HRH1: variants seen among roughly 807,000 people sequenced by gnomAD.
HRH1 encodes histamine receptor H1, also known as histamine H1 receptor.
HRH1 carries 6 observed loss-of-function variants against 10.3 expected under a neutral mutation model. The ratio of observed to expected loss-of-function variants is 0.58; its 90% CI spans 0.32 to 1.15. HRH1 has a LOEUF of 1.15. Among genes scored for constraint, HRH1 ranks in the 50% most tolerant of loss-of-function variants. The pLI, the probability that HRH1 is intolerant of heterozygous loss-of-function variation, is 0.05. For missense variants in HRH1, 514 were observed against 615.3 expected, an observed-to-expected ratio of 0.84 and a Z score of 1.74; for synonymous variants, 242 against 236.7, an observed-to-expected ratio of 1.02 and a Z score of -0.21.
chr3:11,255,678 T>C (rs1169468911), intron 1 of HRH1, among the ~76,000 whole-genome samples: 1 of 152,102 alleles, frequency 6.6e-6, no homozygotes, highest in Non-Finnish European at 1.5e-5. Context: ...ATTCCTTAGG[T>C]CTGGGAAAGG....
intron 1 of HRH1, among the ~76,000 whole-genome samples, chr3:11,237,063 C>T (rs555880655): frequency 5.3e-4 from 81 of 152,258 alleles, no homozygotes; most frequent in African/African-American, 1.9e-3. Flanking sequence ...TCCAAGGATT[C>T]GGAACAAAAT....
chr3:11,228,478 T>C (rs347610), intron 1 of HRH1, among the ~76,000 whole-genome samples: 47,277 of 152,036 alleles, frequency 0.31, 8,288 homozygotes, highest in Non-Finnish European at 0.4. Context: ...GCATCAGTAT[T>C]TTTTTTAAAG....
intron 1 of HRH1, among the ~76,000 whole-genome samples, chr3:11,236,887 T>C (rs759979803): frequency 6.6e-6 from 1 of 152,228 alleles, no homozygotes; most frequent in Non-Finnish European, 1.5e-5. Context: ...TTACAGGAAC[T>C]GGTAATCACC....
intron 1 of HRH1, among the ~76,000 whole-genome samples, chr3:11,232,721 G>C (rs940728759): frequency 2.0e-5 from 3 of 152,100 alleles, no homozygotes; most frequent in African/African-American, 7.2e-5. Context: ...GTTAATTTGG[G>C]AAGAATTGAC....
chr3:11,230,905 T>C lies in HRH1; in HGVS notation c.-35-28098T>C, dbSNP rs368328994. Among the ~76,000 whole-genome samples the C allele has an allele frequency of 1.6e-4, 24 of 152,318 alleles. No homozygotes were observed. In the South Asian group the frequency reaches 4.8e-3, roughly 30 times the overall value. ...CCAGTGGTAGCATATTACAAAACTG[T>C]AGTAAAATATCACAACCAACATATG... On this transcript the variant is annotated intron_variant, in intron 1 of 1. Transcript: ENST00000431010.
intron 1 of HRH1, among the ~76,000 whole-genome samples, chr3:11,191,584 C>G (rs541351320): frequency 1.3e-5 from 2 of 152,336 alleles, no homozygotes; most frequent in African/African-American, 4.8e-5. Flanking sequence ...ATGCACCCCC[C>G]ACCTGACTGG....
At position 11,260,076 on chromosome 3, in the gene HRH1, T is replaced by A; in HGVS notation, c.1039T>A (p.Ser347Thr). ...GLNTHGASEISEDQMLGDSQS... is the reference protein window; with the variant it reads ...GLNTHGASEITEDQMLGDSQS... ...GAACACACATGGGGCCAGCGAGATA[T>A]CAGAGGATCAGATGTTAGGTGATAG... is the stretch of plus-strand genomic sequence containing the variant. Residue 347 changes from serine (S) to threonine (T), a missense_variant, in exon 2 of 2, where the codon TCA becomes ACA. Transcript: ENST00000431010. The A allele has an allele frequency of 6.2e-7, 1 of 1,613,992 alleles. No homozygotes were observed. Among genetic ancestry groups the A allele is most frequent in the Non-Finnish European group, 8.5e-7 (1 of 1,180,002 alleles).
intron 1 of HRH1, among the ~76,000 whole-genome samples, chr3:11,221,878 A>G (rs1221923994): frequency 6.6e-6 from 1 of 152,202 alleles, no homozygotes; most frequent in Admixed American, 6.6e-5. Flanking sequence ...TATTTTACTT[A>G]GCAGAATGTC....
intron 1 of HRH1, among the ~76,000 whole-genome samples, chr3:11,174,197 C>G (rs1937206532): frequency 6.6e-6 from 1 of 152,378 alleles, no homozygotes; most frequent in South Asian, 2.1e-4. Flanking sequence ...TAGTGACTGT[C>G]TCCCCAGCTA....
chr3:11,251,629 G>T (rs1939655730), intron 1 of HRH1, among the ~76,000 whole-genome samples: 1 of 152,060 alleles, frequency 6.6e-6, no homozygotes, highest in Admixed American at 6.5e-5. Flanking sequence ...AGTTCTTCTG[G>T]TCTGGGGCAT....
intron 1 of HRH1, among the ~76,000 whole-genome samples, chr3:11,156,899 A>G (rs1024931505): frequency 1.3e-5 from 2 of 152,168 alleles, no homozygotes; most frequent in Admixed American, 6.6e-5. Flanking sequence ...GGTTAGATGT[A>G]ATGTGTGCCC....
At chr3:11,226,885 TA>T (rs11312109) in intron 1 of HRH1, among the ~76,000 whole-genome samples, 89,557 of 133,290 alleles carry the variant, frequency 0.67, 29,469 homozygotes, top group African/African-American at 0.72. Flanking sequence ...AGACTCAGTC[TA>T]AAAAAAAAAA....
intron 1 of HRH1, among the ~76,000 whole-genome samples, chr3:11,180,951 A>ACG (rs1407143418): frequency 1.5e-5 from 1 of 66,864 alleles, no homozygotes; most frequent in African/African-American, 8.3e-5. Flanking sequence ...TCAGGCATAC[A>ACG]CACACACACA....
chr3:11,249,366 G>A (rs929796947), intron 1 of HRH1, among the ~76,000 whole-genome samples: 1 of 140,444 alleles, frequency 7.1e-6, no homozygotes, highest in Admixed American at 7.6e-5. Flanking sequence ...TCGCGCCACT[G>A]CACTCCAGCC....
At chr3:11,228,060 A>G (rs1938941822) in intron 1 of HRH1, among the ~76,000 whole-genome samples, 1 of 152,218 alleles carries the variant, frequency 6.6e-6, no homozygotes, top group South Asian at 2.1e-4. Flanking sequence ...AATTAGCATA[A>G]CATGAAACTC....
chr3:11,193,571 A>G (rs777737873), intron 1 of HRH1, among the ~76,000 whole-genome samples: 8 of 151,812 alleles, frequency 5.3e-5, no homozygotes, highest in Non-Finnish European at 7.4e-5. Context: ...CTGTCTTCAC[A>G]TGGTGGGAAG....
chr3:11,145,298 A>G (rs953437442), intron 1 of HRH1, among the ~76,000 whole-genome samples: 2 of 151,902 alleles, frequency 1.3e-5, no homozygotes, highest in Non-Finnish European at 1.5e-5. Flanking sequence ...CTCTCAGTCA[A>G]CTTCTCTTGG....
intron 1 of HRH1, among the ~76,000 whole-genome samples, chr3:11,140,522 T>C (rs1332169192): frequency 1.3e-5 from 2 of 152,090 alleles, no homozygotes; most frequent in Non-Finnish European, 2.9e-5. Flanking sequence ...CCCTAGGGAC[T>C]CACTCTGTTT....
rs756228262 is a variant in HRH1 at position 11,190,362 on chromosome 3, TA to T, written c.-36+35809del. ...CTCTGTCTCTAGTAATATATATATA[TA>T]TATTTTTTAATTAATTAATTTATTT... On this transcript the variant is annotated intron_variant, in intron 1 of 1. Coordinates refer to ENST00000431010, the MANE Select transcript of HRH1 (RefSeq NM_001098212.2). 4.0e-3 allele frequency among the ~76,000 whole-genome samples: 593 copies of T among 147,804 alleles called. 2 individuals are homozygous for T. Among genetic ancestry groups the T allele is most frequent in the South Asian group, 5.4e-3 (25 of 4,618 alleles).
Sources: allele counts gnomAD v4.1 joint callset (sites outside exome capture counted in the v4.1 genomes callset), GRCh38; gene constraint gnomAD v4.1.1; transcripts MANE v1.5; gene names NCBI Gene and HGNC (gene_info 2026-07-23, HGNC 2026-07-21).